Variants in NHSL2 observed in about 807,000 individuals in gnomAD.
NHSL2 encodes the protein NHS like 2.
NHSL2 carries 27 observed loss-of-function variants against 53.4 expected under a neutral mutation model. The observed-to-expected ratio is 0.51, with a 90% CI of 0.37 to 0.70. NHSL2 has a LOEUF of 0.70. Among genes scored for constraint, NHSL2 ranks in the 30% least tolerant of loss-of-function variants. NHSL2 has a pLI of 0.00. For missense variants in NHSL2, 892 were observed against 980.1 expected (o/e 0.91, Z 1.20); for synonymous variants, 408 against 404.1 (o/e 1.01, Z -0.12).
chrX:72,139,305 C>T lies in NHSL2; in HGVS notation c.1757C>T (p.Pro586Leu), dbSNP rs756801333. 3.3e-6 allele frequency: 4 copies of T among 1,206,942 alleles called. No individual in the cohort carries two copies. The highest frequency in any genetic ancestry group is 2.2e-5 in the Admixed American group (1 of 45,499). The part of the protein sequence containing the change: ...SLVKDEPGLL[P>L]EGGSALPKDQ... ...GTCAAAGATGAGCCAGGCCTCTTGCCTGAAGGTGGGTCAGCACTACCCAAG... is the reference window on the plus strand; with the variant it reads ...GTCAAAGATGAGCCAGGCCTCTTGCTTGAAGGTGGGTCAGCACTACCCAAG... The change falls in exon 6 of 8, where the codon CCT becomes CTT. Residue 586 changes from proline (P) to leucine (L), a missense_variant. Pro to Leu is a moderately conservative substitution (Grantham distance 98). Coordinates refer to ENST00000633930, the MANE Select transcript of NHSL2 (RefSeq NM_001013627.3).
chrX:72,062,027 C>T lies in NHSL2; in HGVS notation c.281-70052C>T, dbSNP rs762791961. 3.2e-4 allele frequency among the ~76,000 whole-genome samples: 36 copies of T among 112,749 alleles called. 1 individual carries two copies. In the Middle Eastern group the frequency reaches 0.014, roughly 43 times the overall value. ...CTCTGCCTGGATTGTAAACTCTTTACATCTGCCTCATTAACCTCTATCACC... is the reference window on the plus strand; with the variant it reads ...CTCTGCCTGGATTGTAAACTCTTTATATCTGCCTCATTAACCTCTATCACC... On this transcript the variant is annotated intron_variant, in intron 1 of 7. Coordinates refer to ENST00000633930, the MANE Select transcript of NHSL2 (RefSeq NM_001013627.3).
chrX:72,098,461 G>C (rs1272422372), intron 1 of NHSL2, among the ~76,000 whole-genome samples: 2 of 109,652 alleles, frequency 1.8e-5, no homozygotes, highest in African/African-American at 6.6e-5. Context: ...GGCGCCTGTA[G>C]TCCCAGCTAC....
Position 72,144,618 on chromosome X carries a change from T to A in NHSL2, c.*1044T>A. 1.2e-6 allele frequency: 1 copy of A among 854,862 alleles called. No individual in the cohort carries two copies. Among genetic ancestry groups the A allele is most frequent in the Non-Finnish European group, 1.6e-6 (1 of 623,075 alleles). The allele number at this position is 854,862 out of a possible 1,213,427, so 70.5% of individuals were successfully genotyped here. A position where few individuals can be genotyped will look rare whatever the true frequency, so the allele number is the denominator to read the frequency against. ...TGGTTTTGTTTAAAGGAAGTCCGACTCTGTTCCAAAAACCAAGAACATATA... is the reference window on the plus strand; with the variant it reads ...TGGTTTTGTTTAAAGGAAGTCCGACACTGTTCCAAAAACCAAGAACATATA... On this transcript the variant is annotated 3_prime_UTR_variant, in exon 8 of 8. Transcript: ENST00000633930.
intron 1 of NHSL2, among the ~76,000 whole-genome samples, chrX:71,921,286 T>G (rs1306441639): frequency 9.3e-6 from 1 of 107,008 alleles, no homozygotes; most frequent in Admixed American, 1.0e-4. Context: ...CGGGTGTGGT[T>G]GCGCATGCCT....
At position 72,148,132 on chromosome X, in the gene NHSL2, G is replaced by T. The variant is rs2042477832; in HGVS notation, c.*4558G>T. On this transcript the variant is annotated 3_prime_UTR_variant, in exon 8 of 8. Coordinates refer to ENST00000633930, the MANE Select transcript of NHSL2 (RefSeq NM_001013627.3). ...TACTAAAAGCCACTGAGAAGGCCTAGATCATTCATATTGTACATTGACATT... is the reference window on the plus strand; with the variant it reads ...TACTAAAAGCCACTGAGAAGGCCTATATCATTCATATTGTACATTGACATT... 8.9e-6 allele frequency: 1 copy of T among 111,923 alleles called. No individual in the cohort carries two copies. The highest frequency in any genetic ancestry group is 3.7e-4 in the South Asian group (1 of 2,690). The allele number at this position is 111,923 out of a possible 1,213,427, so 9.2% of individuals were successfully genotyped here. A position where few individuals can be genotyped will look rare whatever the true frequency, so the allele number is the denominator to read the frequency against.
At chrX:72,084,148 A>G (rs966856088) in intron 1 of NHSL2, among the ~76,000 whole-genome samples, 9 of 112,334 alleles carry the variant, frequency 8.0e-5, no homozygotes, top group Admixed American at 9.4e-5. Flanking sequence ...ATTCACTTAC[A>G]GGCCTATATC....
Position 71,992,824 on chromosome X carries a change from C to G in NHSL2, c.280+81457C>G, listed in dbSNP as rs1041742900. ...GGCATTAGAGCTGGGCTGGGTTGGGCTAGGCTGTGGCTGGGACTGAAGACC... is the reference window on the plus strand; with the variant it reads ...GGCATTAGAGCTGGGCTGGGTTGGGGTAGGCTGTGGCTGGGACTGAAGACC... On this transcript the variant is annotated intron_variant, in intron 1 of 7. Coordinates refer to ENST00000633930, the MANE Select transcript of NHSL2 (RefSeq NM_001013627.3). 4.5e-5 allele frequency among the ~76,000 whole-genome samples: 5 copies of G among 111,729 alleles called. No homozygotes were observed. In the Admixed American group the frequency reaches 4.7e-4, roughly 11 times the overall value.
intron 1 of NHSL2, among the ~76,000 whole-genome samples, chrX:72,085,732 G>C (rs1479482638): frequency 1.9e-5 from 2 of 105,382 alleles, no homozygotes; most frequent in Non-Finnish European, 3.9e-5. Flanking sequence ...TTTTTTGTGG[G>C]GGGGTATAGT....
chrX:72,096,745 C>T (rs2147453902), intron 1 of NHSL2, among the ~76,000 whole-genome samples: 1 of 111,452 alleles, frequency 9.0e-6, no homozygotes, highest in African/African-American at 3.3e-5. Context: ...ATTCAGTATC[C>T]TCCTTCTAGC....
At chrX:72,105,982 G>A (rs1051312200) in intron 1 of NHSL2, among the ~76,000 whole-genome samples, 1 of 111,162 alleles carries the variant, frequency 9.0e-6, no homozygotes, top group African/African-American at 3.3e-5. Flanking sequence ...GGCTGAGGCG[G>A]GCAGATCATG....
At chrX:71,914,198 C>T (rs763796150) in intron 1 of NHSL2, among the ~76,000 whole-genome samples, 1 of 112,333 alleles carries the variant, frequency 8.9e-6, no homozygotes, top group South Asian at 3.7e-4. Context: ...TTCCCCACAT[C>T]TGGTTTTGAA....
chrX:72,144,903 G>A lies in NHSL2; in HGVS notation c.*1329G>A, dbSNP rs994393829. ...GCCCCCACCCCCCACGAAGCTTATA[G>A]GCACTAACTATTCTTGTCAGCTCAA... is the stretch of plus-strand genomic sequence containing the variant. On this transcript the variant is annotated 3_prime_UTR_variant, in exon 8 of 8. Transcript: ENST00000633930. 3 of 122,545 alleles carry A rather than the reference G, an allele frequency of 2.4e-5. No homozygotes were observed. The highest frequency in any genetic ancestry group is 9.8e-5 in the African/African-American group (3 of 30,593). 10.1% of individuals were successfully genotyped at this position (122,545 alleles called of 1,213,427 possible). A position where few individuals can be genotyped will look rare whatever the true frequency, so the allele number is the denominator to read the frequency against.
At chrX:72,031,899 A>G (rs1453149004) in intron 1 of NHSL2, among the ~76,000 whole-genome samples, 1 of 112,002 alleles carries the variant, frequency 8.9e-6, no homozygotes, top group African/African-American at 3.3e-5. Context: ...CAGTTTTACA[A>G]TGTTGACATC....
At chrX:72,096,809 G>A (rs2147454013) in intron 1 of NHSL2, among the ~76,000 whole-genome samples, 1 of 111,538 alleles carries the variant, frequency 9.0e-6, no homozygotes, top group East Asian at 2.8e-4. Flanking sequence ...TTCTTTTAGA[G>A]ACTGGGTCTC....
At chrX:71,953,701 G>A (rs1246684234) in intron 1 of NHSL2, among the ~76,000 whole-genome samples, 2 of 111,768 alleles carry the variant, frequency 1.8e-5, no homozygotes, top group South Asian at 3.8e-4. Flanking sequence ...AGCAAGGAAA[G>A]CCTAGAATAT....
chrX:72,146,908 C>CATA lies in NHSL2; in HGVS notation c.*3336_*3338dup, dbSNP rs2042468753. On this transcript the variant is annotated 3_prime_UTR_variant, in exon 8 of 8. Coordinates refer to ENST00000633930, the MANE Select transcript of NHSL2 (RefSeq NM_001013627.3). ...TGCATCCCTAGCACAACAACTCACCCATAAAGGAAGTGAGACAACAGGAAG... is the reference window on the plus strand; with the variant it reads ...TGCATCCCTAGCACAACAACTCACCCATAATAAAGGAAGTGAGACAACAGGAAG... 9.0e-6 allele frequency: 1 copy of CATA among 111,520 alleles called. No homozygotes were observed. The highest frequency in any genetic ancestry group is 9.6e-5 in the Admixed American group (1 of 10,438). 9.2% of individuals were successfully genotyped at this position (111,520 alleles called of 1,213,427 possible).
chrX:72,037,220 C>G (rs931607064), intron 1 of NHSL2, among the ~76,000 whole-genome samples: 1 of 101,153 alleles, frequency 9.9e-6, no homozygotes, highest in African/African-American at 3.6e-5. Context: ...GAAATCAAGA[C>G]CATCCTGGCT....
rs1216889145 is a variant in NHSL2 at position 72,152,212 on chromosome X, A to ATTCACATT, written c.*8650_*8657dup. The ATTCACATT allele has an allele frequency of 8.8e-6, 1 of 113,318 alleles. No homozygotes were observed. Among genetic ancestry groups the ATTCACATT allele is most frequent in the Admixed American group, 9.3e-5 (1 of 10,721 alleles). 9.3% of individuals were successfully genotyped at this position (113,318 alleles called of 1,213,427 possible). ...TGCTTCTTGGGAGTCTGAAGCTCAG[A>ATTCACATT]TTCACATTTTCACATTTTCTCGTAT... On this transcript the variant is annotated 3_prime_UTR_variant, in exon 8 of 8. Coordinates refer to ENST00000633930, the MANE Select transcript of NHSL2 (RefSeq NM_001013627.3).
chrX:72,069,398 A>T (rs1602344724), intron 1 of NHSL2, among the ~76,000 whole-genome samples: 1 of 96,336 alleles, frequency 1.0e-5, no homozygotes, highest in Admixed American at 1.1e-4. Flanking sequence ...GGGGAAAGGG[A>T]GGGGGAGAGA....
Sources: gnomAD v4.1 joint callset for allele counts (sites outside exome capture counted in the v4.1 genomes callset) on GRCh38, gnomAD v4.1.1 for gene constraint, MANE v1.5 for transcripts, NCBI Gene and HGNC (gene_info 2026-07-23, HGNC 2026-07-21) for gene names.